Variants in ABCA1 observed in about 807,000 individuals in gnomAD.
The protein encoded by ABCA1 is ATP binding cassette subfamily A member 1, also known as phospholipid-transporting ATPase ABCA1.
A neutral mutation model predicts 262.5 loss-of-function variants in ABCA1; 133 were observed. That is an observed-to-expected ratio of 0.51 (90% CI 0.44 to 0.59). ABCA1 has a LOEUF of 0.59. Ranked by LOEUF, ABCA1 falls within the 20% of genes least tolerant of loss-of-function variation. ABCA1 has a pLI of 0.00. For missense variants in ABCA1, 2,452 were observed against 2,777.5 expected, an observed-to-expected ratio of 0.88 and a Z score of 2.63; for synonymous variants, 1,022 against 1,043.5, an observed-to-expected ratio of 0.98 and a Z score of 0.40.
At chr9:104,801,920 G>A in intron 34 of ABCA1, 134 bp downstream of exon 34, 1 of 841,698 alleles carries the variant, frequency 1.2e-6, no homozygotes. Flanking sequence ...ATCGCTAAAT[G>A]CCAAAGACGG....
chr9:104,889,359 A>C, intron 2 of ABCA1, 164 bp from the exon 3 acceptor site: 1 of 985,096 alleles, frequency 1.0e-6, no homozygotes, highest in Non-Finnish European at 1.2e-6. Flanking sequence ...TGGAGTCCCA[A>C]CCTTTTAACA....
chr9:104,875,909 A>C (rs1838124137), intron 5 of ABCA1, among the ~76,000 whole-genome samples: 1 of 152,110 alleles, frequency 6.6e-6, no homozygotes, highest in South Asian at 2.1e-4. Flanking sequence ...AGCCATCCCT[A>C]CCCGTTCTAG....
At position 104,860,011 on chromosome 9, in the gene ABCA1, G is replaced by A. The variant is rs542456395; in HGVS notation, c.544-1313C>T. On this transcript the variant is annotated intron_variant, in intron 6 of 49. Transcript: ENST00000374736. ...AGAGGTTGTAGTGAGCTGAGATCAC[G>A]CCACTGCACTCCAGCCTGGGTGACA... 1.1e-3 allele frequency among the ~76,000 whole-genome samples: 162 copies of A among 143,148 alleles called. 1 individual carries two copies. The highest frequency in any genetic ancestry group is 1.8e-3 in the Non-Finnish European group (119 of 67,202). 93.9% of individuals were successfully genotyped at this position (143,148 alleles called of 152,430 possible).
At chr9:104,914,323 A>G (rs1307897760) in intron 1 of ABCA1, among the ~76,000 whole-genome samples, 1 of 151,362 alleles carries the variant, frequency 6.6e-6, no homozygotes, top group Non-Finnish European at 1.5e-5. Context: ...CTAAAAATAC[A>G]AAAAAGTAGC....
At chr9:104,835,345 C>T (rs940671806) in intron 11 of ABCA1, among the ~76,000 whole-genome samples, 2 of 152,042 alleles carry the variant, frequency 1.3e-5, no homozygotes, top group East Asian at 3.9e-4. Context: ...CCCTCATCAT[C>T]TGTCTCCAGC....
At chr9:104,837,162 G>T in intron 10 of ABCA1, 66 bp from the exon 11 acceptor site, 1 of 1,339,124 alleles carries the variant, frequency 7.5e-7, no homozygotes, top group Non-Finnish European at 1.1e-6. Context: ...TGAGCGTTTG[G>T]CTCCTCCCTG....
At chr9:104,821,120 A>G (rs1216848224) in intron 20 of ABCA1, among the ~76,000 whole-genome samples, 2 of 152,038 alleles carry the variant, frequency 1.3e-5, no homozygotes, top group Non-Finnish European at 2.9e-5. Flanking sequence ...GTGTGTGCCT[A>G]GAGTCCCAGC....
Position 104,796,201 on chromosome 9 carries a change from T to C in ABCA1, c.5238-4A>G. 6.2e-7 allele frequency: 1 copy of C among 1,614,154 alleles called. No homozygotes were observed. Among genetic ancestry groups the C allele is most frequent in the Non-Finnish European group, 8.5e-7 (1 of 1,180,002 alleles). On this transcript the variant is annotated splice_region_variant and splice_polypyrimidine_tract_variant and intron_variant, in intron 38 of 49. Coordinates refer to ENST00000374736, the MANE Select transcript of ABCA1 (RefSeq NM_005502.4). ...CATGAGAGGTGTGATTGACCACCTG[T>C]TGAGACACAAAAAGATAAGTGTCTA...
intron 13 of ABCA1, 26 bp downstream of exon 13, chr9:104,831,595 AG>A (rs1833329564): frequency 2.5e-6 from 4 of 1,595,890 alleles, no homozygotes; most frequent in Non-Finnish European, 3.4e-6. Flanking sequence ...CCCCAAGACC[AG>A]GCTGGTGTGA....
rs979189720 is a variant in ABCA1 at position 104,792,975 on chromosome 9, G to A, written c.5637-69C>T. On this transcript the variant is annotated intron_variant, in intron 41 of 49. Transcript: ENST00000374736. ...TCAGGACAAAGATTCAGTCTCTAAC[G>A]TAGTATTATAAAACCTACTTGCCAC... The A allele has an allele frequency of 2.6e-5, 42 of 1,609,194 alleles. 1 individual carries two copies. In the Middle Eastern group the frequency reaches 6.6e-4, roughly 25 times the overall value.
intron 13 of ABCA1, 88 bp from the exon 14 acceptor site, chr9:104,831,189 C>T (rs1833284276): frequency 8.3e-6 from 10 of 1,206,332 alleles, no homozygotes; most frequent in Non-Finnish European, 1.0e-5. Context: ...AACCCTACTA[C>T]CCTTACCAAG....
chr9:104,785,426 GTCT>G lies in ABCA1; in HGVS notation c.6612_6614del (p.Glu2204del). 1 of 1,614,078 alleles carries G rather than the reference GTCT, an allele frequency of 6.2e-7. No individual in the cohort carries two copies. Among genetic ancestry groups the G allele is most frequent in the Non-Finnish European group, 8.5e-7 (1 of 1,179,954 alleles). Reference sequence around the variant, plus strand: ...CAAGTGTTGTCTGAGAAACAGAGTAGTCTTCTATGTGGAGTCGCTTTTTGCTCT... The same window carrying G: ...CAAGTGTTGTCTGAGAAACAGAGTAGTCTATGTGGAGTCGCTTTTTGCTCT... On this transcript the variant is annotated inframe_deletion, in exon 49 of 50. Coordinates refer to ENST00000374736, the MANE Select transcript of ABCA1 (RefSeq NM_005502.4).
chr9:104,855,140 C>T, intron 7 of ABCA1: 1 of 984,888 alleles, frequency 1.0e-6, no homozygotes, highest in Non-Finnish European at 1.2e-6. Context: ...GAAATACTCA[C>T]CAGGACCACT....
At chr9:104,880,827 G>T (rs1564235710) in intron 5 of ABCA1, among the ~76,000 whole-genome samples, 1 of 152,006 alleles carries the variant, frequency 6.6e-6, no homozygotes, top group Admixed American at 6.5e-5. Context: ...TACAGATTTG[G>T]CTTCTTCACC....
chr9:104,811,858 T>C (rs1831310044), intron 28 of ABCA1, among the ~76,000 whole-genome samples: 1 of 152,174 alleles, frequency 6.6e-6, no homozygotes, highest in Non-Finnish European at 1.5e-5. Flanking sequence ...ATATAGCCAA[T>C]AAGTAGCAAA....
rs1828567324 is a variant in ABCA1, at chr9:104,781,874, C to T, written c.*2441G>A. ...AGTATAGAGTTGGTAAAAATTTCTA[C>T]CACAATTAGGTTTACACAGGAAAAT... On this transcript the variant is annotated 3_prime_UTR_variant, in exon 50 of 50. Transcript: ENST00000374736. 2.0e-5 allele frequency: 3 copies of T among 152,246 alleles called. No individual in the cohort carries two copies. In the South Asian group the frequency reaches 6.2e-4, roughly 32 times the overall value. 9.4% of individuals were successfully genotyped at this position (152,246 alleles called of 1,614,324 possible).
intron 8 of ABCA1, among the ~76,000 whole-genome samples, chr9:104,841,436 TA>T (rs398046733): frequency 4.3e-5 from 6 of 139,516 alleles, no homozygotes; most frequent in African/African-American, 1.1e-4. Context: ...GACTCAGTCT[TA>T]AAAAAAAAAG....
rs921503479 is a variant in ABCA1, at chr9:104,824,479, T to C, written c.2642A>G (p.Lys881Arg). 27 of 1,614,060 alleles carry C rather than the reference T, an allele frequency of 1.7e-5. No individual in the cohort carries two copies. The highest frequency in any genetic ancestry group is 2.2e-5 in the Non-Finnish European group (26 of 1,180,032). ...ACAGCACTTACTTTCTGATATTCTC[T>C]TCTGGTTGGAACCAGGGTGGCTCTT... ...DEKSHPGSNQ[K>R]RISEICMEEE... Residue 881 changes from lysine to arginine, a missense_variant, in exon 18 of 50, where the codon AAG becomes AGG. Lys to Arg is a conservative substitution (Grantham distance 26). Around this residue, in one of 4 missense-constraint regions of ABCA1, gnomAD observed 1,032 missense variants for 1,089.7 expected, o/e 0.95. Transcript: ENST00000374736.
chr9:104,845,937 CAAGTTA>C (rs1834831515), intron 7 of ABCA1, among the ~76,000 whole-genome samples: 1 of 152,108 alleles, frequency 6.6e-6, no homozygotes. Context: ...CTTTGAGAAA[CAAGTTA>C]ATGACGGCTC....
Sources: gnomAD v4.1 joint callset for allele counts (sites outside exome capture counted in the v4.1 genomes callset) on GRCh38, gnomAD v4.1.1 for gene constraint, gnomAD v4.1.1 regional missense constraint, MANE v1.5 for transcripts, NCBI Gene and HGNC (gene_info 2026-07-23, HGNC 2026-07-21) for gene names.